RNF213: variants seen among roughly 807,000 people sequenced by gnomAD.
RNF213 encodes the protein ring finger protein 213.
Under a neutral mutation model 514.4 loss-of-function variants are expected in RNF213, and 341 were observed. The observed-to-expected ratio is 0.66, with a 90% CI of 0.61 to 0.73. RNF213 has a LOEUF of 0.73. RNF213 is among the 30% of genes least tolerant of loss of function. The pLI, the probability that RNF213 is intolerant of heterozygous loss-of-function variation, is 0.00. For synonymous variants in RNF213, 2,655 were observed against 2,658.2 expected, an observed-to-expected ratio of 1.00 and a Z score of 0.04; for missense variants, 5,767 against 6,615.6, an observed-to-expected ratio of 0.87 and a Z score of 4.45.
intron 13 of RNF213, 28 bp from the exon 14 acceptor site, chr17:80,308,990 G>A (rs763965143): frequency 8.1e-6 from 13 of 1,613,084 alleles, no homozygotes; most frequent in Non-Finnish European, 8.5e-7. Flanking sequence ...ATCCTTGCCG[G>A]GATTTCTCTT....
chr17:80,318,080 C>T (rs1035980068), intron 16 of RNF213, among the ~76,000 whole-genome samples: 2 of 152,152 alleles, frequency 1.3e-5, no homozygotes, highest in Admixed American at 6.5e-5. Context: ...TAAACCGTCT[C>T]TCCTTGGAAG....
At chr17:80,388,456 G>C in intron 63 of RNF213, 156 bp from the exon 64 acceptor site, 1 of 688,044 alleles carries the variant, frequency 1.5e-6, no homozygotes, top group Non-Finnish European at 2.6e-6. Flanking sequence ...TCCATAGATG[G>C]TGGGTTAATG....
intron 3 of RNF213, among the ~76,000 whole-genome samples, chr17:80,280,381 C>G (rs1433619730): frequency 2.0e-5 from 3 of 152,106 alleles, no homozygotes; most frequent in Non-Finnish European, 4.4e-5. Flanking sequence ...CTGCTGTCAC[C>G]CAGAATGACA....
At position 80,263,699 on chromosome 17, in the gene RNF213, C is replaced by A; in HGVS notation, c.18C>A (p.Cys6Ter). 1 of 1,614,130 alleles carries A rather than the reference C, an allele frequency of 6.2e-7. No homozygotes were observed. The highest frequency in any genetic ancestry group is 1.7e-5 in the Admixed American group (1 of 60,022). Residue 6 changes from cysteine (C) to a stop codon, truncating the protein, a stop_gained, in exon 2 of 68, where the codon TGC becomes TGA. Coordinates refer to ENST00000582970, the MANE Select transcript of RNF213 (RefSeq NM_001256071.3). LOFTEE classifies it high-confidence loss of function. The surrounding 1 kb of genome is among the most constrained non-coding windows in gnomAD (Gnocchi z 4.9). The part of the protein sequence containing the change: MECPS[C>*]QHVSKEETPK... ...CAGGACCCATGGAGTGTCCTTCGTG[C>A]CAGCATGTCTCCAAGGAGGAAACCC...
chr17:80,347,226 T>C lies in RNF213; in HGVS notation c.8891T>C (p.Phe2964Ser). 1.2e-6 allele frequency: 2 copies of C among 1,613,334 alleles called. No homozygotes were observed. The highest frequency in any genetic ancestry group is 1.1e-5 in the South Asian group (1 of 90,910). ...TACTACAGCCTCATCAAAATGGTCT[T>C]TGCTGCAGCAAAGGCTTCAAATAGA... The part of the protein sequence containing the change: ...RDYYSLIKMV[F>S]AAAKASNRKP... The change falls in exon 29 of 68, where the codon TTT (phenylalanine) becomes TCT (serine). Residue 2964 changes from phenylalanine to serine, a missense_variant. Transcript: ENST00000582970. This position sits in a 1 kb window ranked among gnomAD's most constrained non-coding sequence, Gnocchi z 7.2.
At chr17:80,367,038 C>CA (rs1228666075) in intron 42 of RNF213, among the ~76,000 whole-genome samples, 2 of 152,150 alleles carry the variant, frequency 1.3e-5, no homozygotes, top group Non-Finnish European at 2.9e-5. Flanking sequence ...TCAGGAATTG[C>CA]AAAAAACCTA....
chr17:80,331,866 C>A, intron 20 of RNF213, 140 bp from the exon 21 acceptor site: 1 of 1,020,240 alleles, frequency 9.8e-7, no homozygotes, highest in Non-Finnish European at 1.4e-6. Context: ...CCTGTGAACT[C>A]TTCCTGAGAA....
At chr17:80,362,342 G>GT (rs1350962942) in intron 39 of RNF213, among the ~76,000 whole-genome samples, 8 of 152,158 alleles carry the variant, frequency 5.3e-5, no homozygotes, top group African/African-American at 1.9e-4. Context: ...ATGACTAGAG[G>GT]TTAATATTCT....
rs745370129 is a variant in RNF213, at chr17:80,345,347, G to A, written c.7012G>A (p.Gly2338Arg). ...GSVDAISHLT[G>R]KVIKRDVMTR... is the part of the protein sequence containing the mutation. The stretch of plus-strand genomic sequence containing the variant: ...TGTCGATGCCATCAGTCACTTGACT[G>A]GGAAGGTCATCAAGAGAGACGTCAT... The change falls in exon 29 of 68, where the codon GGG (glycine) becomes AGG (arginine). Residue 2338 changes from glycine (G) to arginine (R), a missense_variant. Gly to Arg is a moderately radical substitution (Grantham distance 125). Transcript: ENST00000582970. The surrounding 1 kb of genome is among the most constrained non-coding windows in gnomAD (Gnocchi z 6.0). 4 of 1,614,086 alleles carry A rather than the reference G, an allele frequency of 2.5e-6. No homozygotes were observed. The South Asian group carries it at 4.4e-5, about 18-fold the overall frequency.
intron 3 of RNF213, among the ~76,000 whole-genome samples, chr17:80,281,981 C>T (rs767888855): frequency 2.6e-5 from 4 of 152,028 alleles, no homozygotes; most frequent in African/African-American, 2.4e-5. Context: ...CTCAGCCTCC[C>T]GAGCAGCTGG....
Position 80,377,085 on chromosome 17 carries a change from T to C in RNF213, c.13510+122T>C. ...TTGTGCCTCAGGGTCCAAAACCACC[T>C]GCATTCTACCGGTGGCGTCTGCAGA... On this transcript the variant is annotated intron_variant, in intron 53 of 67. Transcript: ENST00000582970. The surrounding 1 kb of genome is among the most constrained non-coding windows in gnomAD (Gnocchi z 4.1). The C allele has an allele frequency of 4.1e-6, 3 of 740,206 alleles. No homozygotes were observed. In the South Asian group the frequency reaches 4.4e-5, roughly 11 times the overall value. The allele number at this position is 740,206 out of a possible 1,614,324, so 45.9% of individuals were successfully genotyped here.
rs534947679 is a variant in RNF213 at position 80,343,709 on chromosome 17, C to G, written c.6184-148C>G. 6.9e-5 allele frequency: 59 copies of G among 849,638 alleles called. No homozygotes were observed. In the East Asian group the frequency reaches 1.3e-3, roughly 19 times the overall value. The allele number at this position is 849,638 out of a possible 1,614,324, so 52.6% of individuals were successfully genotyped here. A position where few individuals can be genotyped will look rare whatever the true frequency, so the allele number is the denominator to read the frequency against. ...AGTATTAGGATTTTATGGGGCTGCCCTTGGAGACATGGGCCGTTGTTGGCT... is the reference window on the plus strand; with the variant it reads ...AGTATTAGGATTTTATGGGGCTGCCGTTGGAGACATGGGCCGTTGTTGGCT... On this transcript the variant is annotated intron_variant, in intron 27 of 67. Coordinates refer to ENST00000582970, the MANE Select transcript of RNF213 (RefSeq NM_001256071.3). The surrounding 1 kb of genome is among the most constrained non-coding windows in gnomAD (Gnocchi z 4.3).
chr17:80,392,203 T>C (rs2080503295), intron 67 of RNF213, among the ~76,000 whole-genome samples: 1 of 152,232 alleles, frequency 6.6e-6, no homozygotes. Flanking sequence ...ATGTTTCCTA[T>C]TTGCTATCTT....
chr17:80,373,327 C>G (rs1227903850), intron 49 of RNF213, among the ~76,000 whole-genome samples, 162 bp downstream of exon 49: 1 of 148,050 alleles, frequency 6.8e-6, no homozygotes, highest in Non-Finnish European at 1.5e-5. Context: ...ACCCTCACAC[C>G]CCCACACCTC....
At chr17:80,359,388 G>T in intron 37 of RNF213, among the ~76,000 whole-genome samples, 2 of 151,800 alleles carry the variant, frequency 1.3e-5, no homozygotes, top group African/African-American at 4.8e-5. Context: ...TAGGCATAAC[G>T]TGGTGCGCAC....
intron 50 of RNF213, chr17:80,374,987 A>G (rs1304144827): frequency 4.0e-6 from 1 of 247,924 alleles, no homozygotes; most frequent in Non-Finnish European, 8.1e-6. Flanking sequence ...TGTGTGTTTA[A>G]TAAAAATACA....
chr17:80,374,512 G>A lies in RNF213; in HGVS notation c.12997G>A (p.Glu4333Lys). Residue 4333 changes from glutamate to lysine, a missense_variant, in exon 50 of 68, where the codon GAA (glutamate) becomes AAA (lysine). This residue lies in a region of RNF213 where 1,245 missense variants were observed against 1,339.0 expected (regional missense o/e 0.93). Coordinates refer to ENST00000582970, the MANE Select transcript of RNF213 (RefSeq NM_001256071.3). ...QMDRYLVYGDEYKALRDAVAK... is the reference protein window; with the variant it reads ...QMDRYLVYGDKYKALRDAVAK... ...GGATAGGTACCTGGTGTACGGCGATGAATACAAGGCTCTCCGTGATGCTGT... is the reference window on the plus strand; with the variant it reads ...GGATAGGTACCTGGTGTACGGCGATAAATACAAGGCTCTCCGTGATGCTGT... 1 of 1,614,230 alleles carries A rather than the reference G, an allele frequency of 6.2e-7. No individual in the cohort carries two copies. The highest frequency in any genetic ancestry group is 8.5e-7 in the Non-Finnish European group (1 of 1,180,026).
intron 37 of RNF213, among the ~76,000 whole-genome samples, chr17:80,359,466 T>G (rs1156605253): frequency 1.6e-5 from 2 of 125,460 alleles, no homozygotes; most frequent in Non-Finnish European, 3.1e-5. Flanking sequence ...TGAGGTGAGA[T>G]AGGATCACAC....
chr17:80,388,476 G>A (rs1047477942), intron 63 of RNF213, 136 bp from the exon 64 acceptor site: 9 of 733,378 alleles, frequency 1.2e-5, no homozygotes, highest in African/African-American at 1.2e-4. Context: ...GACGGAGAGG[G>A]GCGCTCTTAG....
Sources: gnomAD v4.1 joint callset for allele counts (sites outside exome capture counted in the v4.1 genomes callset) on GRCh38, gnomAD v4.1.1 for gene constraint, gnomAD v4.1.1 regional missense constraint, Gnocchi (gnomAD v3.1) non-coding constraint, MANE v1.5 for transcripts, NCBI Gene and HGNC (gene_info 2026-07-23, HGNC 2026-07-21) for gene names.